Variants in TPST2 observed in about 807,000 individuals in gnomAD.
TPST2 encodes tyrosylprotein sulfotransferase 2.
In TPST2, 16 loss-of-function variants were observed where a neutral mutation model predicts 27.8. The observed-to-expected ratio is 0.58, with a 90% CI of 0.39 to 0.88. The LOEUF is 0.88. Ranked by LOEUF, TPST2 falls within the 40% of genes least tolerant of loss-of-function variation. The pLI is 0.00. For synonymous variants in TPST2, 229 were observed against 231.7 expected (o/e 0.99, Z 0.10); for missense variants, 464 against 543.1 (o/e 0.85, Z 1.45).
intron 1 of TPST2, among the ~76,000 whole-genome samples, chr22:26,581,734 T>C (rs1203489331): frequency 6.6e-6 from 1 of 152,224 alleles, no homozygotes; most frequent in Admixed American, 6.5e-5. Context: ...AAGTCTTAAC[T>C]GCAATCATTA....
intron 3 of TPST2, among the ~76,000 whole-genome samples, chr22:26,537,521 T>C (rs1925537309): frequency 6.6e-6 from 1 of 152,142 alleles, no homozygotes; most frequent in Admixed American, 6.5e-5. Context: ...GGCACAATCT[T>C]GGCTCACTGC....
In TPST2 at chr22:26,532,708, T is replaced by A; in HGVS notation, c.1079A>T (p.Lys360Ile). ...KGDYKTPANL[K>I]GYFQVNQNST... Reference sequence around the variant, plus strand: ...GGGGTTTCTAACCTGAAAATATCCTTTCAGATTGGCTGGTGTTTTATAGTC... The same window carrying A: ...GGGGTTTCTAACCTGAAAATATCCTATCAGATTGGCTGGTGTTTTATAGTC... Residue 360 changes from lysine (K) to isoleucine (I), a missense_variant, in exon 5 of 7, where the codon AAA becomes ATA. Transcript: ENST00000338754. 6.2e-7 allele frequency: 1 copy of A among 1,614,016 alleles called. No homozygotes were observed. The highest frequency in any genetic ancestry group is 1.1e-5 in the South Asian group (1 of 91,054).
intron 1 of TPST2, among the ~76,000 whole-genome samples, chr22:26,551,848 T>C (rs745591769): frequency 1.9e-4 from 29 of 151,586 alleles, no homozygotes; most frequent in Non-Finnish European, 3.8e-4. Flanking sequence ...AAGAAAACTA[T>C]TACCATTTAA....
intron 5 of TPST2, among the ~76,000 whole-genome samples, chr22:26,530,273 AT>A (rs1373054314): frequency 6.6e-6 from 1 of 151,854 alleles, no homozygotes; most frequent in East Asian, 1.9e-4. Flanking sequence ...CTGAATATGC[AT>A]TTTTACATTA....
Position 26,579,759 on chromosome 22 carries a change from G to A in TPST2, c.-161+10294C>T, listed in dbSNP as rs919212946. ...AGGGGGAAGTGGTGCAGATTGGGGC[G>A]GAAGAAGACAGAGAGAGAAAAAAAC... On this transcript the variant is annotated intron_variant, in intron 1 of 6. Transcript: ENST00000338754. Among the ~76,000 whole-genome samples, 10 of 152,238 alleles carry A rather than the reference G, an allele frequency of 6.6e-5. No homozygotes were observed. In the South Asian group the frequency reaches 1.2e-3, roughly 19 times the overall value.
intron 3 of TPST2, among the ~76,000 whole-genome samples, chr22:26,536,983 G>A (rs1262998354): frequency 6.6e-6 from 1 of 152,084 alleles, no homozygotes; most frequent in Non-Finnish European, 1.5e-5. Flanking sequence ...CCGGGAGGTT[G>A]AAGAAGCAGT....
At chr22:26,534,693 T>A (rs1386179498) in intron 4 of TPST2, among the ~76,000 whole-genome samples, 1 of 152,218 alleles carries the variant, frequency 6.6e-6, no homozygotes, top group Non-Finnish European at 1.5e-5. Context: ...GGCCCTCGCC[T>A]CTGCTTCTGA....
rs140792327 is a variant in TPST2, at chr22:26,586,980, G to A, written c.-161+3073C>T. ...CACAGATGAAGCGTCTGTAACTCAG[G>A]ACTGCTCATCTCAGGCCTGGGGGGT... On this transcript the variant is annotated intron_variant, in intron 1 of 6. Coordinates refer to ENST00000338754, the MANE Select transcript of TPST2 (RefSeq NM_003595.5). 4.8e-3 allele frequency among the ~76,000 whole-genome samples: 732 copies of A among 152,328 alleles called. 1 individual carries two copies. The highest frequency in any genetic ancestry group is 0.031 in the Middle Eastern group (9 of 294).
rs920803858 is a variant in TPST2, at chr22:26,522,984, C to T, written c.*3291G>A. On this transcript the variant is annotated 3_prime_UTR_variant, in exon 7 of 7. Transcript: ENST00000338754. ...GCTGAGGTGAAAGGACTGCTTGAGCCCAGGAGTTAGAGGTTGCAGTGAGCT... is the reference window on the plus strand; with the variant it reads ...GCTGAGGTGAAAGGACTGCTTGAGCTCAGGAGTTAGAGGTTGCAGTGAGCT... The T allele has an allele frequency of 6.6e-6, 1 of 151,868 alleles. No homozygotes were observed. The highest frequency in any genetic ancestry group is 1.5e-5 in the Non-Finnish European group (1 of 68,152). 9.4% of individuals were successfully genotyped at this position (151,868 alleles called of 1,614,324 possible).
At chr22:26,578,731 T>A (rs1250346110) in intron 1 of TPST2, among the ~76,000 whole-genome samples, 1 of 152,132 alleles carries the variant, frequency 6.6e-6, no homozygotes, top group Non-Finnish European at 1.5e-5. Context: ...TTCTGAGGCA[T>A]GGAAGACCCA....
chr22:26,571,597 C>G (rs1927627033), intron 1 of TPST2, among the ~76,000 whole-genome samples: 2 of 152,116 alleles, frequency 1.3e-5, no homozygotes, highest in African/African-American at 4.8e-5. Context: ...CACCCCTTCT[C>G]CTAAGGCCAC....
intron 1 of TPST2, among the ~76,000 whole-genome samples, chr22:26,567,473 A>G (rs763088): frequency 0.74 from 112,164 of 152,110 alleles, 41,696 homozygotes; most frequent in East Asian, 0.96. Flanking sequence ...CCAGCAAAAG[A>G]TGCTAATATC....
intron 1 of TPST2, among the ~76,000 whole-genome samples, chr22:26,569,970 A>G: frequency 6.8e-5 from 1 of 14,712 alleles, no homozygotes; most frequent in Non-Finnish European, 9.4e-5. Context: ...AAAAAAAAGG[A>G]AGAAAGAAAG....
chr22:26,544,551 C>T (rs529937789), intron 2 of TPST2, 53 bp downstream of exon 2: 7 of 957,932 alleles, frequency 7.3e-6, no homozygotes, highest in Admixed American at 1.2e-4. Context: ...TTTTGGAGGG[C>T]GGTCTCAGGA....
At chr22:26,579,003 A>G (rs536190645) in intron 1 of TPST2, among the ~76,000 whole-genome samples, 9 of 151,812 alleles carry the variant, frequency 5.9e-5, no homozygotes, top group Non-Finnish European at 1.3e-4. Flanking sequence ...AGCATGCACC[A>G]CCATGCCCGG....
chr22:26,553,437 T>C (rs1247346950), intron 1 of TPST2, among the ~76,000 whole-genome samples: 1 of 151,424 alleles, frequency 6.6e-6, no homozygotes, highest in East Asian at 1.9e-4. Flanking sequence ...AGTGGAGTGA[T>C]CACTGTTCAC....
intron 1 of TPST2, among the ~76,000 whole-genome samples, chr22:26,569,489 A>T (rs770096391): frequency 1.6e-4 from 25 of 152,222 alleles, no homozygotes; most frequent in Non-Finnish European, 3.4e-4. Flanking sequence ...GAATAAAAAT[A>T]GTCTTAACGA....
In TPST2 at chr22:26,564,399, T is replaced by G. The variant is rs549359248; in HGVS notation, c.-160-19724A>C. Among the ~76,000 whole-genome samples the G allele has an allele frequency of 4.4e-4, 67 of 152,282 alleles. 1 individual carries two copies. Among genetic ancestry groups the G allele is most frequent in the Non-Finnish European group, 1.6e-4 (11 of 68,028 alleles). On this transcript the variant is annotated intron_variant, in intron 1 of 6. Transcript: ENST00000338754. Reference sequence around the variant, plus strand: ...AAGGCTGCTGCTATGCCCCTTCATGTCCAGTCATGCAGGACGGAGGACCAG... The same window carrying G: ...AAGGCTGCTGCTATGCCCCTTCATGGCCAGTCATGCAGGACGGAGGACCAG...
intron 1 of TPST2, among the ~76,000 whole-genome samples, chr22:26,588,405 T>G (rs1453846350): frequency 6.6e-6 from 1 of 151,996 alleles, no homozygotes; most frequent in Non-Finnish European, 1.5e-5. Flanking sequence ...GATTGGGGAG[T>G]GACCATGAAA....
Sources: allele counts gnomAD v4.1 joint callset (sites outside exome capture counted in the v4.1 genomes callset), GRCh38; gene constraint gnomAD v4.1.1; transcripts MANE v1.5; gene names NCBI Gene and HGNC (gene_info 2026-07-23, HGNC 2026-07-21).